PPARG: variants seen among roughly 807,000 people sequenced by gnomAD.
The protein encoded by PPARG is peroxisome proliferator activated receptor gamma.
In PPARG, 17 loss-of-function variants were observed where a neutral mutation model predicts 39.2. That is an observed-to-expected ratio of 0.43 (90% CI 0.30 to 0.65). The LOEUF is 0.65. Among genes scored for constraint, PPARG ranks in the 30% least tolerant of loss-of-function variants. The probability of loss-of-function intolerance (pLI) is 0.13; values close to 1 mark genes in which losing one functional copy is unlikely to be tolerated. For missense variants in PPARG, 406 were observed against 585.9 expected (o/e 0.69, Z 3.17); for synonymous variants, 223 against 215.7 (o/e 1.03, Z -0.30).
intron 2 of PPARG, among the ~76,000 whole-genome samples, chr3:12,337,518 C>T (rs1436219825): frequency 1.3e-5 from 2 of 152,092 alleles, no homozygotes; most frequent in Non-Finnish European, 2.9e-5. Context: ...ATTCATGAAA[C>T]GAAGAGCTCA....
At chr3:12,294,274 C>T (rs893606171) in intron 1 of PPARG, among the ~76,000 whole-genome samples, 2 of 152,116 alleles carry the variant, frequency 1.3e-5, no homozygotes, top group Non-Finnish European at 2.9e-5. Flanking sequence ...CAAGACAAGT[C>T]GCAGATCTTC....
intron 2 of PPARG, among the ~76,000 whole-genome samples, chr3:12,339,941 T>A (rs2048130561): frequency 6.6e-6 from 1 of 152,360 alleles, no homozygotes; most frequent in South Asian, 2.1e-4. Flanking sequence ...GCATAGGTCT[T>A]TCAGGTACAC....
rs534794621 is a variant in PPARG at position 12,306,032 on chromosome 3, A to G, written c.-82-6348A>G. 7 of 152,250 alleles carry G rather than the reference A, an allele frequency of 4.6e-5. No homozygotes were observed. In the South Asian group the frequency reaches 1.5e-3, roughly 32 times the overall value. The allele number at this position is 152,250 out of a possible 1,614,324, so 9.4% of individuals were successfully genotyped here. ...TTAAGCACATTATATACATTATCTC[A>G]TTTTATTCTTTCAGCAGCTATGTAC... On this transcript the variant is annotated intron_variant, in intron 1 of 7. Transcript: ENST00000651735.
At chr3:12,343,240 C>T (rs890706832) in intron 2 of PPARG, among the ~76,000 whole-genome samples, 1 of 152,178 alleles carries the variant, frequency 6.6e-6, no homozygotes, top group African/African-American at 2.4e-5. Flanking sequence ...TCACTCTTCT[C>T]TCTTGGTTGA....
intron 2 of PPARG, among the ~76,000 whole-genome samples, chr3:12,369,990 AC>A (rs2049152126): frequency 6.6e-6 from 1 of 152,028 alleles, no homozygotes; most frequent in African/African-American, 2.4e-5. Flanking sequence ...GTAGCCTGGG[AC>A]TACCTTCCAC....
intron 2 of PPARG, among the ~76,000 whole-genome samples, chr3:12,341,653 A>G (rs921099129): frequency 6.6e-6 from 1 of 152,112 alleles, no homozygotes; most frequent in South Asian, 2.1e-4. Flanking sequence ...ACAAAAACAT[A>G]CAAAAGTTAG....
rs1056341723 is a variant in PPARG at position 12,434,164 on chromosome 3, T to C, written c.*19T>C. On this transcript the variant is annotated 3_prime_UTR_variant, in exon 8 of 8. Coordinates refer to ENST00000651735, the MANE Select transcript of PPARG (RefSeq NM_138711.6). This position sits in a 1 kb window ranked among gnomAD's most constrained non-coding sequence, Gnocchi z 4.2. ...GTACTAGCAGAGAGTCCTGAGCCAC[T>C]GCCAACATTTCCCTTCTTCCAGTTG... 1.2e-6 allele frequency: 2 copies of C among 1,614,040 alleles called. No homozygotes were observed. The highest frequency in any genetic ancestry group is 2.2e-5 in the East Asian group (1 of 44,900).
At chr3:12,339,027 A>G (rs2048095529) in intron 2 of PPARG, among the ~76,000 whole-genome samples, 1 of 152,234 alleles carries the variant, frequency 6.6e-6, no homozygotes, top group African/African-American at 2.4e-5. Context: ...ATCGGAAACA[A>G]TCTAAATGTC....
At chr3:12,357,053 C>T (rs1472411576) in intron 2 of PPARG, among the ~76,000 whole-genome samples, 2 of 152,144 alleles carry the variant, frequency 1.3e-5, no homozygotes, top group East Asian at 3.8e-4. Context: ...TCAGCCCAGT[C>T]CAGGACACCG....
intron 2 of PPARG, among the ~76,000 whole-genome samples, chr3:12,339,567 G>A (rs2048115084): frequency 6.6e-6 from 1 of 152,102 alleles, no homozygotes; most frequent in Non-Finnish European, 1.5e-5. Context: ...CCCTTCCAAG[G>A]TCAGAAGACA....
At chr3:12,317,602 A>G (rs2047423836) in intron 2 of PPARG, among the ~76,000 whole-genome samples, 1 of 152,130 alleles carries the variant, frequency 6.6e-6, no homozygotes, top group African/African-American at 2.4e-5. Context: ...ATTATTGTAT[A>G]ATTATGTTTT....
intron 2 of PPARG, among the ~76,000 whole-genome samples, chr3:12,378,636 CA>C (rs2049506024): frequency 6.6e-6 from 1 of 152,056 alleles, no homozygotes. Context: ...CTCATAAAAG[CA>C]GTGAGTAAAA....
chr3:12,315,166 A>C (rs1316552638), intron 2 of PPARG, among the ~76,000 whole-genome samples: 1 of 152,112 alleles, frequency 6.6e-6, no homozygotes, highest in Non-Finnish European at 1.5e-5. Context: ...CTTTTATGAG[A>C]TCAACTTTTT....
chr3:12,359,882 A>C (rs1414782932), intron 2 of PPARG, among the ~76,000 whole-genome samples: 1 of 152,006 alleles, frequency 6.6e-6, no homozygotes, highest in Non-Finnish European at 1.5e-5. Flanking sequence ...CCATGTTGGC[A>C]GGGTGGTCTC....
chr3:12,422,417 A>G (rs992928318), intron 7 of PPARG, among the ~76,000 whole-genome samples: 3 of 152,196 alleles, frequency 2.0e-5, no homozygotes, highest in African/African-American at 7.2e-5. Context: ...GGTGAGGTCA[A>G]GGTTCAGACC....
rs778975987 is a variant in PPARG, at chr3:12,379,820, A to G, written c.109A>G (p.Thr37Ala). Residue 37 changes from threonine to alanine, a missense_variant, in exon 3 of 8, where the codon ACT becomes GCT. Thr to Ala is a moderately conservative substitution (Grantham distance 58, BLOSUM62 0). Transcript: ENST00000651735. ...CTCCTTTGATATCAAGCCCTTCACT[A>G]CTGTTGACTTCTCCAGCATTTCTAC... ...SHSFDIKPFT[T>A]VDFSSISTPH... 13 of 1,613,734 alleles carry G rather than the reference A, an allele frequency of 8.1e-6. No homozygotes were observed. In the East Asian group the frequency reaches 2.9e-4, roughly 36 times the overall value.
chr3:12,399,388 C>T (rs1247013334), intron 5 of PPARG: 1 of 456,492 alleles, frequency 2.2e-6, no homozygotes, highest in South Asian at 1.5e-5. Flanking sequence ...CCAAATCCTG[C>T]AGAACCTCCA....
At position 12,304,733 on chromosome 3, in the gene PPARG, G is replaced by C. The variant is rs919671638; in HGVS notation, c.-82-7647G>C. On this transcript the variant is annotated intron_variant, in intron 1 of 7. Coordinates refer to ENST00000651735, the MANE Select transcript of PPARG (RefSeq NM_138711.6). ...ATATTGTTGAATGAATGTGAGGTGA[G>C]GGCGGAGAAAATATTTCAAATGGAA... Among the ~76,000 whole-genome samples, 3 of 152,142 alleles carry C rather than the reference G, an allele frequency of 2.0e-5. No homozygotes were observed. The East Asian group carries it at 5.8e-4, about 29-fold the overall frequency.
chr3:12,408,859 G>A (rs1286795116), intron 6 of PPARG, among the ~76,000 whole-genome samples: 1 of 151,790 alleles, frequency 6.6e-6, no homozygotes, highest in African/African-American at 2.4e-5. Flanking sequence ...AGCCTCGGTG[G>A]TCAAGAACTT....
Sources: allele counts gnomAD v4.1 joint callset (sites outside exome capture counted in the v4.1 genomes callset), GRCh38; gene constraint gnomAD v4.1.1; non-coding constraint Gnocchi (gnomAD v3.1); transcripts MANE v1.5; gene names NCBI Gene and HGNC (gene_info 2026-07-23, HGNC 2026-07-21).